The following TSPAN9 variants were observed in gnomAD, a reference collection of about 807,000 sequenced individuals.
TSPAN9 encodes tetraspanin 9.
Under a neutral mutation model 31.0 loss-of-function variants are expected in TSPAN9, and 16 were observed. The ratio of observed to expected loss-of-function variants is 0.52; its 90% CI spans 0.35 to 0.78. The LOEUF is 0.78. TSPAN9 is among the 30% of genes least tolerant of loss of function. The pLI, the probability that TSPAN9 is intolerant of heterozygous loss-of-function variation, is 0.01. For missense variants in TSPAN9, 272 were observed against 312.5 expected (o/e 0.87, Z 0.98); for synonymous variants, 145 against 121.6 (o/e 1.19, Z -1.27).
chr12:3,283,232 C>A lies in TSPAN9; in HGVS notation c.*116C>A. 1 of 1,041,836 alleles carries A rather than the reference C, an allele frequency of 9.6e-7. No individual in the cohort carries two copies. Among genetic ancestry groups the A allele is most frequent in the Non-Finnish European group, 1.4e-6 (1 of 724,426 alleles). The allele number at this position is 1,041,836 out of a possible 1,614,324, so 64.5% of individuals were successfully genotyped here. ...TGACCCCTGCACCCACCCCCCACAG[C>A]CTGCCCTACCCCACCTACCCTGCCT... is the stretch of plus-strand genomic sequence containing the variant. On this transcript the variant is annotated 3_prime_UTR_variant, in exon 9 of 9. Transcript: ENST00000011898.
chr12:3,220,142 TC>T (rs1163401144), intron 3 of TSPAN9, among the ~76,000 whole-genome samples: 1 of 28,616 alleles, frequency 3.5e-5, no homozygotes. Context: ...CGAAACTCTG[TC>T]TCAAAAAAAA....
At chr12:3,248,774 A>G (rs765735485) in intron 3 of TSPAN9, among the ~76,000 whole-genome samples, 24 of 152,082 alleles carry the variant, frequency 1.6e-4, no homozygotes, top group Non-Finnish European at 2.6e-4. Context: ...ACCCTCCCTC[A>G]CCACGTTTCC....
At chr12:3,134,803 G>T (rs1245916701) in intron 2 of TSPAN9, among the ~76,000 whole-genome samples, 1 of 152,200 alleles carries the variant, frequency 6.6e-6, no homozygotes, top group African/African-American at 2.4e-5. Flanking sequence ...GCTGGGGAAG[G>T]TGGACGTATA....
intron 2 of TSPAN9, among the ~76,000 whole-genome samples, chr12:3,197,380 C>T (rs865844748): frequency 1.3e-5 from 2 of 152,160 alleles, no homozygotes; most frequent in African/African-American, 2.4e-5. Flanking sequence ...CATCAGGAGG[C>T]GACTAGACAT....
intron 3 of TSPAN9, among the ~76,000 whole-genome samples, chr12:3,272,723 GC>G (rs1241820875): frequency 6.6e-6 from 1 of 152,198 alleles, no homozygotes; most frequent in Non-Finnish European, 1.5e-5. Context: ...GGCAGTGGCT[GC>G]CCCTAGGATC....
intron 2 of TSPAN9, among the ~76,000 whole-genome samples, chr12:3,096,359 C>CTGGCA (rs2098308908): frequency 6.6e-6 from 1 of 152,152 alleles, no homozygotes; most frequent in African/African-American, 2.4e-5. Flanking sequence ...CATGGGACTT[C>CTGGCA]TGCGGCCTCA....
chr12:3,144,184 T>G (rs1483544332), intron 2 of TSPAN9, among the ~76,000 whole-genome samples: 1 of 152,130 alleles, frequency 6.6e-6, no homozygotes, highest in African/African-American at 2.4e-5. Context: ...CAGTGCAACC[T>G]CCACCTGCTA....
chr12:3,091,650 C>T (rs1421858539), intron 2 of TSPAN9, among the ~76,000 whole-genome samples: 1 of 152,186 alleles, frequency 6.6e-6, no homozygotes, highest in East Asian at 1.9e-4. Flanking sequence ...GTGGTTTTTG[C>T]ATTCATCAAA....
chr12:3,175,949 G>A (rs370715749), intron 2 of TSPAN9, among the ~76,000 whole-genome samples: 1 of 152,172 alleles, frequency 6.6e-6, no homozygotes, highest in Non-Finnish European at 1.5e-5. Context: ...CCAGGGCACT[G>A]CTCAGCCCTG....
chr12:3,236,659 G>A (rs993560086), intron 3 of TSPAN9, among the ~76,000 whole-genome samples: 1 of 152,172 alleles, frequency 6.6e-6, no homozygotes, highest in African/African-American at 2.4e-5. Flanking sequence ...TGGAGGCGGG[G>A]GTAGAGAAGA....
chr12:3,274,469 A>T (rs1862746389), intron 3 of TSPAN9, among the ~76,000 whole-genome samples: 1 of 152,172 alleles, frequency 6.6e-6, no homozygotes. Flanking sequence ...ACTAGAGGCC[A>T]GGGGCAGGGA....
intron 2 of TSPAN9, among the ~76,000 whole-genome samples, chr12:3,126,784 G>A (rs1373357935): frequency 6.6e-6 from 1 of 152,096 alleles, no homozygotes; most frequent in Non-Finnish European, 1.5e-5. Flanking sequence ...GGAGGCTGAA[G>A]TGGGAGGATT....
At chr12:3,098,700 T>G (rs1229962624) in intron 2 of TSPAN9, among the ~76,000 whole-genome samples, 2 of 152,138 alleles carry the variant, frequency 1.3e-5, no homozygotes, top group Non-Finnish European at 2.9e-5. Context: ...CAGTGTGATC[T>G]ACCTTGCTTG....
chr12:3,137,767 A>G (rs932784273), intron 2 of TSPAN9, among the ~76,000 whole-genome samples: 1 of 151,926 alleles, frequency 6.6e-6, no homozygotes, highest in Non-Finnish European at 1.5e-5. Context: ...ACAGCCCAGT[A>G]CCCCTGGGCT....
chr12:3,187,524 T>C lies in TSPAN9; in HGVS notation c.-17-13653T>C, dbSNP rs959669973. On this transcript the variant is annotated intron_variant, in intron 2 of 8. Transcript: ENST00000011898. The surrounding 1 kb of genome is among the most constrained non-coding windows in gnomAD (Gnocchi z 5.2). ...TCACTGTTTTGGAAGTCAGGAGACA[T>C]AGGTTCCAGTCCCAGCTCTCCTTAC... Among the ~76,000 whole-genome samples the C allele has an allele frequency of 6.6e-5, 10 of 152,140 alleles. No individual in the cohort carries two copies. Among genetic ancestry groups the C allele is most frequent in the African/African-American group, 2.4e-4 (10 of 41,424 alleles).
In TSPAN9 at chr12:3,281,911, G is replaced by A. The variant is rs756749358; in HGVS notation, c.648+94G>A. On this transcript the variant is annotated intron_variant, in intron 8 of 8. Coordinates refer to ENST00000011898, the MANE Select transcript of TSPAN9 (RefSeq NM_006675.5). Reference sequence around the variant, plus strand: ...AGAAGTGAAAGCAGTGTTGGTACACGGCGGAGGGTCTGGAATTCATCACAG... The same window carrying A: ...AGAAGTGAAAGCAGTGTTGGTACACAGCGGAGGGTCTGGAATTCATCACAG... 30 of 1,371,890 alleles carry A rather than the reference G, an allele frequency of 2.2e-5. 1 individual carries two copies. The Admixed American group carries it at 2.3e-4, about 10-fold the overall frequency. 85.0% of individuals were successfully genotyped at this position (1,371,890 alleles called of 1,614,324 possible).
chr12:3,250,058 G>A (rs472918), intron 3 of TSPAN9, among the ~76,000 whole-genome samples: 56,670 of 152,048 alleles, frequency 0.37, 11,655 homozygotes, highest in Middle Eastern at 0.47. Flanking sequence ...CATCGGGCAT[G>A]GATGGTGGGT....
At chr12:3,136,393 G>A (rs969849408) in intron 2 of TSPAN9, among the ~76,000 whole-genome samples, 3 of 152,142 alleles carry the variant, frequency 2.0e-5, no homozygotes, top group Non-Finnish European at 2.9e-5. Flanking sequence ...TACAGTTCAC[G>A]TGGCTCTTCC....
chr12:3,264,804 CTA>C (rs1862512592), intron 3 of TSPAN9, among the ~76,000 whole-genome samples: 1 of 152,252 alleles, frequency 6.6e-6, no homozygotes, highest in South Asian at 2.1e-4. Flanking sequence ...GACGACGACT[CTA>C]TGTGGTAGGT....
Sources: allele counts gnomAD v4.1 joint callset (sites outside exome capture counted in the v4.1 genomes callset), GRCh38; gene constraint gnomAD v4.1.1; non-coding constraint Gnocchi (gnomAD v3.1); transcripts MANE v1.5; gene names NCBI Gene and HGNC (gene_info 2026-07-23, HGNC 2026-07-21).